Variants in P2RX7 observed in about 807,000 individuals in gnomAD.
The protein encoded by P2RX7 is P2X purinoceptor 7.
Under a neutral mutation model 71.6 loss-of-function variants are expected in P2RX7, and 62 were observed. The ratio of observed to expected loss-of-function variants is 0.87; its 90% confidence interval spans 0.71 to 1.07. P2RX7 has a LOEUF of 1.07. P2RX7 is among the 50% of genes least tolerant of loss of function. P2RX7 has a pLI of 0.00. For synonymous variants in P2RX7, 299 were observed against 283.3 expected (o/e 1.06, Z -0.56); for missense variants, 686 against 748.5 (o/e 0.92, Z 0.97).
At chr12:121,173,627 G>T (rs773226079) in intron 8 of P2RX7, among the ~76,000 whole-genome samples, 4 of 152,214 alleles carry the variant, frequency 2.6e-5, no homozygotes, top group African/African-American at 9.6e-5. Context: ...GGTAAAGAAT[G>T]GTCCAGAGCT....
At chr12:121,137,149 A>G (rs1471527069) in intron 1 of P2RX7, among the ~76,000 whole-genome samples, 3 of 152,176 alleles carry the variant, frequency 2.0e-5, no homozygotes, top group African/African-American at 7.2e-5. Context: ...TGATTCAGCA[A>G]CCGGGTTCGC....
Position 121,166,049 on chromosome 12 carries a change from T to C in P2RX7, c.615-9T>C. ...GTTTGTTTGTTTGTTTGCTTTTAAT[T>C]ATGCACAGGAGAAACATCCTGCCAG... On this transcript the variant is annotated splice_polypyrimidine_tract_variant and intron_variant, in intron 6 of 12. Coordinates refer to ENST00000328963, the MANE Select transcript of P2RX7 (RefSeq NM_002562.6). 6.2e-7 allele frequency: 1 copy of C among 1,610,960 alleles called. No homozygotes were observed. Among genetic ancestry groups the C allele is most frequent in the Non-Finnish European group, 8.5e-7 (1 of 1,177,900 alleles).
At chr12:121,141,697 T>G (rs1407947944) in intron 1 of P2RX7, among the ~76,000 whole-genome samples, 2 of 152,172 alleles carry the variant, frequency 1.3e-5, no homozygotes, top group African/African-American at 4.8e-5. Flanking sequence ...ACCTACTGAG[T>G]ACTGCTGAGG....
intron 1 of P2RX7, among the ~76,000 whole-genome samples, chr12:121,136,148 A>T (rs1873600714): frequency 6.9e-6 from 1 of 145,926 alleles, no homozygotes; most frequent in Non-Finnish European, 1.5e-5. Flanking sequence ...ATTTATATAT[A>T]TGTGCTGAAA....
Position 121,177,576 on chromosome 12 carries a change from A to G in P2RX7, c.1188+130A>G, listed in dbSNP as rs949215342. ...GGATACGTCGCTGGGTTCTACCCCG[A>G]TCAACCAACTCTCAGATAAATTTTT... is the stretch of plus-strand genomic sequence containing the variant. On this transcript the variant is annotated intron_variant, in intron 11 of 12. Coordinates refer to ENST00000328963, the MANE Select transcript of P2RX7 (RefSeq NM_002562.6). The G allele has an allele frequency of 9.6e-6, 8 of 830,828 alleles. No individual in the cohort carries two copies. The Admixed American group carries it at 2.2e-4, about 22-fold the overall frequency. 51.5% of individuals were successfully genotyped at this position (830,828 alleles called of 1,614,324 possible). A position where few individuals can be genotyped will look rare whatever the true frequency, so the allele number is the denominator to read the frequency against.
chr12:121,174,561 T>A (rs58423269), intron 8 of P2RX7, among the ~76,000 whole-genome samples: 13,752 of 151,922 alleles, frequency 0.091, 908 homozygotes, highest in Admixed American at 0.21. Flanking sequence ...AGCCTTTAGT[T>A]TGGCCCTGTG....
chr12:121,134,679 G>A (rs1349452135), intron 1 of P2RX7, among the ~76,000 whole-genome samples: 3 of 152,070 alleles, frequency 2.0e-5, no homozygotes, highest in African/African-American at 7.2e-5. Flanking sequence ...GGCATGAGCC[G>A]CCACGCCCGG....
intron 1 of P2RX7, among the ~76,000 whole-genome samples, chr12:121,143,380 C>T (rs750631200): frequency 7.3e-5 from 11 of 151,086 alleles, no homozygotes; most frequent in Admixed American, 7.2e-4. Flanking sequence ...GACGACAGAG[C>T]GAAACTCCAT....
At chr12:121,142,108 C>A (rs1875012414) in intron 1 of P2RX7, among the ~76,000 whole-genome samples, 1 of 152,186 alleles carries the variant, frequency 6.6e-6, no homozygotes, top group African/African-American at 2.4e-5. Context: ...CCTCTGCAGA[C>A]TGTGAGCTGC....
chr12:121,141,224 G>A (rs1565938396), intron 1 of P2RX7, among the ~76,000 whole-genome samples: 1 of 152,178 alleles, frequency 6.6e-6, no homozygotes, highest in Non-Finnish European at 1.5e-5. Context: ...CAAAAGATAA[G>A]CATGATTCTT....
intron 1 of P2RX7, among the ~76,000 whole-genome samples, chr12:121,147,593 G>GTTT (rs201472363): frequency 1.9e-3 from 220 of 116,236 alleles, no homozygotes; most frequent in African/African-American, 0.011. Context: ...AAAATGGGCA[G>GTTT]TTTTTTTTGT....
chr12:121,139,817 C>T (rs1874466757), intron 1 of P2RX7, among the ~76,000 whole-genome samples: 2 of 150,320 alleles, frequency 1.3e-5, no homozygotes. Flanking sequence ...TCATTGCAAC[C>T]CCCACCTCCT....
rs199639723 is a variant in P2RX7, at chr12:121,184,954, A to G, written c.*152A>G. The G allele has an allele frequency of 5.7e-5, 35 of 614,398 alleles. No individual in the cohort carries two copies. Among genetic ancestry groups the G allele is most frequent in the Non-Finnish European group, 9.0e-5 (32 of 355,290 alleles). 38.1% of individuals were successfully genotyped at this position (614,398 alleles called of 1,614,324 possible). ...ACAAAAATCAGCCAGACATGGTGGCATGCACCTGCAATCCCAGCTACTCGG... is the reference window on the plus strand; with the variant it reads ...ACAAAAATCAGCCAGACATGGTGGCGTGCACCTGCAATCCCAGCTACTCGG... On this transcript the variant is annotated 3_prime_UTR_variant, in exon 13 of 13. Coordinates refer to ENST00000328963, the MANE Select transcript of P2RX7 (RefSeq NM_002562.6).
At chr12:121,155,188 G>A (rs1469403460) in intron 2 of P2RX7, 1 of 1,478,588 alleles carries the variant, frequency 6.8e-7, no homozygotes, top group South Asian at 1.2e-5. Context: ...TCATGTCCTG[G>A]TGCATTGAAA....
chr12:121,162,283 G>A (rs1879878636), intron 4 of P2RX7, 141 bp from the exon 5 acceptor site: 5 of 1,446,100 alleles, frequency 3.5e-6, no homozygotes, highest in Admixed American at 2.6e-5. Context: ...TGGGCTTGAT[G>A]GAAGCTGAAG....
Position 121,149,249 on chromosome 12 carries a change from C to A in P2RX7, c.126-5536C>A. The A allele has an allele frequency of 3.2e-6, 1 of 311,686 alleles. No individual in the cohort carries two copies. The highest frequency in any genetic ancestry group is 6.3e-6 in the Non-Finnish European group (1 of 158,922). 19.3% of individuals were successfully genotyped at this position (311,686 alleles called of 1,614,324 possible). On this transcript the variant is annotated intron_variant, in intron 1 of 12. Transcript: ENST00000328963. The surrounding 1 kb of genome is among the most constrained non-coding windows in gnomAD (Gnocchi z 4.7). ...CAGGGTCCCATGGGCCCAACCTCAC[C>A]CTCCATCCTTATTTCCCTGCCACTC...
At position 121,184,420 on chromosome 12, in the gene P2RX7, G is replaced by A. The variant is rs1291561279; in HGVS notation, c.1406G>A (p.Arg469Lys). ...CTGCTTAGAAAGGAGGCGACTCCTA[G>A]ATCCAGGGATAGCCCCGTCTGGTGC... ...IQLLRKEATP[R>K]SRDSPVWCQC... Residue 469 changes from arginine to lysine, a missense_variant, in exon 13 of 13, where the codon AGA becomes AAA. Arg to Lys is a conservative substitution (Grantham distance 26, BLOSUM62 2). Transcript: ENST00000328963. 8 of 1,614,178 alleles carry A rather than the reference G, an allele frequency of 5.0e-6. No individual in the cohort carries two copies. The highest frequency in any genetic ancestry group is 6.8e-6 in the Non-Finnish European group (8 of 1,180,032).
At position 121,166,187 on chromosome 12, in the gene P2RX7, G is replaced by T. The variant is rs780459798; in HGVS notation, c.744G>T (p.Gln248His). The T allele has an allele frequency of 1.2e-6, 2 of 1,612,596 alleles. No individual in the cohort carries two copies. The highest frequency in any genetic ancestry group is 1.1e-5 in the South Asian group (1 of 90,938). ...ATAATTTTTCAGATGTGGCAATTCAGGTTGGTGGTGCTTTGTACACTGGGA... is the reference window on the plus strand; with the variant it reads ...ATAATTTTTCAGATGTGGCAATTCATGTTGGTGGTGCTTTGTACACTGGGA... ...TGDNFSDVAIQGGIMGIEIYW... is the reference protein window; with the variant it reads ...TGDNFSDVAIHGGIMGIEIYW... Residue 248 changes from glutamine (Q) to histidine (H), a missense_variant and splice_region_variant, in exon 7 of 13, where the codon CAG becomes CAT. Gln to His is a conservative substitution (Grantham distance 24). Transcript: ENST00000328963.
Position 121,182,526 on chromosome 12 carries a change from G to A in P2RX7, c.1291-1779G>A, listed in dbSNP as rs142841322. Among the ~76,000 whole-genome samples the A allele has an allele frequency of 1.4e-4, 21 of 152,270 alleles. No individual in the cohort carries two copies. The East Asian group carries it at 3.7e-3, about 27-fold the overall frequency. On this transcript the variant is annotated intron_variant, in intron 12 of 12. Coordinates refer to ENST00000328963, the MANE Select transcript of P2RX7 (RefSeq NM_002562.6). ...AACCTGTACAGCATGTTACTGTACTGAATACGGTAAGCAACTGTAACAGAA... is the reference window on the plus strand; with the variant it reads ...AACCTGTACAGCATGTTACTGTACTAAATACGGTAAGCAACTGTAACAGAA...
Sources: allele counts gnomAD v4.1 joint callset (sites outside exome capture counted in the v4.1 genomes callset), GRCh38; gene constraint gnomAD v4.1.1; non-coding constraint Gnocchi (gnomAD v3.1); transcripts MANE v1.5; gene names NCBI Gene and HGNC (gene_info 2026-07-23, HGNC 2026-07-21).